Variants in SIL1 observed in about 807,000 individuals in gnomAD.
SIL1 encodes SIL1 nucleotide exchange factor.
Under a neutral mutation model 49.1 loss-of-function variants are expected in SIL1, and 40 were observed. The observed-to-expected ratio is 0.81, with a 90% CI of 0.63 to 1.06. The LOEUF is 1.06. Ranked by LOEUF, SIL1 falls within the 50% of genes least tolerant of loss-of-function variation. The pLI, the probability that SIL1 is intolerant of heterozygous loss-of-function variation, is 0.00. For synonymous variants in SIL1, 253 were observed against 250.8 expected (o/e 1.01, Z -0.08); for missense variants, 500 against 572.6 (o/e 0.87, Z 1.29).
chr5:139,176,161 T>G (rs978948000), intron 1 of SIL1, among the ~76,000 whole-genome samples: 1 of 152,090 alleles, frequency 6.6e-6, no homozygotes, highest in African/African-American at 2.4e-5. Flanking sequence ...GCACCCTGAC[T>G]CTTTGCCACT....
chr5:139,024,597 A>G (rs1321561217), intron 6 of SIL1, among the ~76,000 whole-genome samples: 3 of 152,214 alleles, frequency 2.0e-5, no homozygotes, highest in Non-Finnish European at 4.4e-5. Flanking sequence ...GTGTCTTGAC[A>G]AGGATCTCAA....
intron 3 of SIL1, among the ~76,000 whole-genome samples, chr5:139,071,512 A>G (rs1454757366): frequency 2.0e-5 from 3 of 152,118 alleles, no homozygotes; most frequent in African/African-American, 7.2e-5. Flanking sequence ...AATTTTCTAT[A>G]TCTGTGTTTA....
At chr5:139,010,081 C>A (rs1439356295) in intron 7 of SIL1, among the ~76,000 whole-genome samples, 39 of 144,950 alleles carry the variant, frequency 2.7e-4, no homozygotes, top group Non-Finnish European at 2.1e-4. Context: ...TCCATTCTCC[C>A]CATCACTTTC....
At chr5:139,157,628 G>A (rs1751430404) in intron 1 of SIL1, among the ~76,000 whole-genome samples, 1 of 152,218 alleles carries the variant, frequency 6.6e-6, no homozygotes, top group African/African-American at 2.4e-5. Context: ...ATTCTGACAA[G>A]TGTGCTTCAG....
chr5:138,952,768 C>T (rs980096619), intron 7 of SIL1, among the ~76,000 whole-genome samples: 2 of 152,378 alleles, frequency 1.3e-5, no homozygotes, highest in Admixed American at 1.3e-4. Flanking sequence ...CAGGCCCAGA[C>T]CTCCCAGATG....
intron 1 of SIL1, among the ~76,000 whole-genome samples, chr5:139,145,969 A>T (rs1403581445): frequency 6.7e-6 from 1 of 148,730 alleles, no homozygotes; most frequent in Non-Finnish European, 1.5e-5. Context: ...TGTATATATA[A>T]GTATGTGAGT....
chr5:139,168,749 C>T (rs569480537), intron 1 of SIL1, among the ~76,000 whole-genome samples: 8 of 152,056 alleles, frequency 5.3e-5, no homozygotes, highest in Non-Finnish European at 1.2e-4. Flanking sequence ...ACAGGCAGAT[C>T]GCTTGAACCC....
At chr5:139,165,275 T>C (rs577673007) in intron 1 of SIL1, among the ~76,000 whole-genome samples, 5 of 152,342 alleles carry the variant, frequency 3.3e-5, no homozygotes, top group Admixed American at 1.3e-4. Context: ...CCAGAAAATG[T>C]TTAAATTTAC....
At chr5:139,108,454 G>A (rs1770772779) in intron 3 of SIL1, among the ~76,000 whole-genome samples, 2 of 152,178 alleles carry the variant, frequency 1.3e-5, no homozygotes, top group African/African-American at 4.8e-5. Context: ...CGGACACCTT[G>A]TCGTTAGTAT....
At chr5:139,190,418 G>T (rs1752146773) in intron 1 of SIL1, among the ~76,000 whole-genome samples, 1 of 152,196 alleles carries the variant, frequency 6.6e-6, no homozygotes, top group African/African-American at 2.4e-5. Flanking sequence ...AACCATGAGG[G>T]TATAAGATCA....
rs145683203 is a variant in SIL1 at position 139,027,544 on chromosome 5, T to A, written c.454-552A>T. 7.2e-5 allele frequency among the ~76,000 whole-genome samples: 11 copies of A among 152,350 alleles called. No individual in the cohort carries two copies. The East Asian group carries it at 1.5e-3, about 21-fold the overall frequency. On this transcript the variant is annotated intron_variant, in intron 5 of 9. Transcript: ENST00000394817. ...ATTACTGTCAATCTAACCACAGGTG[T>A]ACAATTTGTTCAACTGTTTGAAATG...
At chr5:139,152,630 A>AAAAAG (rs1368259034) in intron 1 of SIL1, among the ~76,000 whole-genome samples, 6 of 151,632 alleles carry the variant, frequency 4.0e-5, no homozygotes, top group African/African-American at 1.5e-4. Context: ...TGGGAAAAAA[A>AAAAAG]AAAAGAAAAG....
At chr5:139,094,903 T>C (rs1398579547) in intron 3 of SIL1, among the ~76,000 whole-genome samples, 1 of 152,242 alleles carries the variant, frequency 6.6e-6, no homozygotes, top group Non-Finnish European at 1.5e-5. Flanking sequence ...CCATGATAGT[T>C]TGCAGAGTAC....
chr5:138,973,648 G>T (rs1033992070), intron 7 of SIL1, among the ~76,000 whole-genome samples: 2 of 151,968 alleles, frequency 1.3e-5, no homozygotes, highest in African/African-American at 4.8e-5. Context: ...ATATAGAGCT[G>T]AGGTCTCACT....
chr5:139,168,177 T>G (rs1166389398), intron 1 of SIL1, among the ~76,000 whole-genome samples: 1 of 152,102 alleles, frequency 6.6e-6, no homozygotes, highest in South Asian at 2.1e-4. Flanking sequence ...ACCATCTAGG[T>G]TTATGTAAGT....
intron 1 of SIL1, chr5:139,187,867 G>A (rs1400544048): frequency 6.6e-6 from 1 of 152,160 alleles, no homozygotes; most frequent in East Asian, 1.9e-4. Context: ...TAAGTCATAG[G>A]GGCGGATTTC....
chr5:139,038,705 G>C lies in SIL1; in HGVS notation c.453+3915C>G, dbSNP rs919430874. On this transcript the variant is annotated intron_variant, in intron 5 of 9. Coordinates refer to ENST00000394817, the MANE Select transcript of SIL1 (RefSeq NM_022464.5). ...CTGGCCACTGGGAGTGGAAGTCTAGGTTCCTCCCTGGGCCTCTACTGACAC... is the reference window on the plus strand; with the variant it reads ...CTGGCCACTGGGAGTGGAAGTCTAGCTTCCTCCCTGGGCCTCTACTGACAC... Among the ~76,000 whole-genome samples the C allele has an allele frequency of 9.9e-5, 15 of 152,234 alleles. 1 individual carries two copies. The highest frequency in any genetic ancestry group is 2.1e-4 in the Non-Finnish European group (14 of 68,040).
chr5:139,193,256 T>C (rs1752208027), intron 1 of SIL1, among the ~76,000 whole-genome samples: 3 of 152,174 alleles, frequency 2.0e-5, no homozygotes, highest in African/African-American at 7.2e-5. Context: ...ACAGTACATC[T>C]GTGGTATTAA....
intron 1 of SIL1, among the ~76,000 whole-genome samples, chr5:139,168,080 A>C (rs1751660577): frequency 6.6e-6 from 1 of 152,198 alleles, no homozygotes; most frequent in South Asian, 2.1e-4. Context: ...ACAATTGTCT[A>C]TAATATTGAG....
Sources: allele counts gnomAD v4.1 joint callset (sites outside exome capture counted in the v4.1 genomes callset), GRCh38; gene constraint gnomAD v4.1.1; transcripts MANE v1.5; gene names NCBI Gene and HGNC (gene_info 2026-07-23, HGNC 2026-07-21).